The following PRKACB variants were observed in gnomAD, a reference collection of about 807,000 sequenced individuals.
PRKACB encodes the protein protein kinase cAMP-activated catalytic subunit beta, also known as cAMP-dependent protein kinase catalytic subunit beta.
PRKACB carries 16 observed loss-of-function variants against 51.4 expected under a neutral mutation model. The ratio of observed to expected loss-of-function variants is 0.31; its 90% confidence interval spans 0.21 to 0.47. The LOEUF (loss-of-function observed/expected upper bound fraction) is 0.47. Ranked by LOEUF, PRKACB falls within the 20% of genes least tolerant of loss-of-function variation. PRKACB has a pLI of 1.00. For synonymous variants in PRKACB, 147 were observed against 154.4 expected, an observed-to-expected ratio of 0.95 and a Z score of 0.35; for missense variants, 309 against 464.5, an observed-to-expected ratio of 0.67 and a Z score of 3.08.
chr1:84,226,263 G>T (rs1220632327), intron 9 of PRKACB, among the ~76,000 whole-genome samples: 3 of 112,410 alleles, frequency 2.7e-5, no homozygotes, highest in Non-Finnish European at 3.9e-5. Flanking sequence ...CCAATGGTTT[G>T]TGGGTTTTTT....
At chr1:84,208,340 A>T (rs1393606380) in intron 8 of PRKACB, among the ~76,000 whole-genome samples, 1 of 152,248 alleles carries the variant, frequency 6.6e-6, no homozygotes, top group African/African-American at 2.4e-5. Context: ...AGTTTGCTCA[A>T]TTCAGAGTGA....
intron 5 of PRKACB, among the ~76,000 whole-genome samples, chr1:84,192,426 T>C (rs1667067096): frequency 6.6e-6 from 1 of 151,960 alleles, no homozygotes; most frequent in East Asian, 1.9e-4. Flanking sequence ...GTCCTTTACA[T>C]TGGAATTTTA....
At chr1:84,164,707 G>T in intron 1 of PRKACB, 1 of 1,390,762 alleles carries the variant, frequency 7.2e-7, no homozygotes. Flanking sequence ...ATTTTGAGTT[G>T]TTCTAGTGGT....
At chr1:84,159,625 G>C (rs915038188) in intron 1 of PRKACB, among the ~76,000 whole-genome samples, 3 of 151,958 alleles carry the variant, frequency 2.0e-5, no homozygotes, top group African/African-American at 7.2e-5. Flanking sequence ...AGATTTCCCA[G>C]TACAAAGATG....
In PRKACB at chr1:84,214,022, T is replaced by C; in HGVS notation, c.907-131T>C. 5.7e-6 allele frequency: 5 copies of C among 884,464 alleles called. No individual in the cohort carries two copies. In the African/African-American group the frequency reaches 8.7e-5, roughly 15 times the overall value. 54.8% of individuals were successfully genotyped at this position (884,464 alleles called of 1,614,324 possible). The stretch of plus-strand genomic sequence containing the variant: ...GGACTGTAACATGTAGTTAAAAGTA[T>C]GTGAAGGTCATCGCTCCATATTTTT... On this transcript the variant is annotated intron_variant, in intron 8 of 9. Coordinates refer to ENST00000370685, the MANE Select transcript of PRKACB (RefSeq NM_182948.4).
intron 1 of PRKACB, among the ~76,000 whole-genome samples, chr1:84,126,753 C>T (rs941651172): frequency 1.3e-5 from 2 of 152,144 alleles, no homozygotes; most frequent in African/African-American, 4.8e-5. Flanking sequence ...ACTGGCATCA[C>T]TACTTATTCA....
At chr1:84,088,994 CT>C (rs1413956565) in intron 1 of PRKACB, among the ~76,000 whole-genome samples, 1 of 152,132 alleles carries the variant, frequency 6.6e-6, no homozygotes, top group Admixed American at 6.5e-5. Context: ...GAAATGGAAA[CT>C]TCCTTTGAGT....
intron 5 of PRKACB, among the ~76,000 whole-genome samples, chr1:84,186,120 C>T (rs867007061): frequency 1.3e-5 from 2 of 152,198 alleles, no homozygotes; most frequent in East Asian, 1.9e-4. Context: ...GTCTAAGAGT[C>T]GCAGTAGGTT....
At chr1:84,156,610 C>G (rs75752711) in intron 1 of PRKACB, among the ~76,000 whole-genome samples, 2 of 152,122 alleles carry the variant, frequency 1.3e-5, no homozygotes, top group African/African-American at 4.8e-5. Flanking sequence ...TTCTTGAAAT[C>G]TAGTCCAGGG....
intron 1 of PRKACB, among the ~76,000 whole-genome samples, chr1:84,151,207 G>T (rs1355374789): frequency 3.3e-5 from 5 of 152,086 alleles, no homozygotes; most frequent in Admixed American, 6.5e-5. Flanking sequence ...GTTTCCCAGT[G>T]CATTTAAGTT....
chr1:84,172,040 A>G (rs1387681688), intron 1 of PRKACB, among the ~76,000 whole-genome samples: 2 of 151,616 alleles, frequency 1.3e-5, no homozygotes, highest in Non-Finnish European at 3.0e-5. Context: ...ACAATCAGAC[A>G]TGATTTTTTA....
At chr1:84,127,467 A>G (rs867420624) in intron 1 of PRKACB, among the ~76,000 whole-genome samples, 2 of 152,222 alleles carry the variant, frequency 1.3e-5, no homozygotes, top group African/African-American at 2.4e-5. Flanking sequence ...TTAAAAATCT[A>G]TCTTTCCAGA....
chr1:84,096,660 T>A (rs946795081), intron 1 of PRKACB, among the ~76,000 whole-genome samples: 6 of 152,116 alleles, frequency 3.9e-5, no homozygotes, highest in African/African-American at 1.4e-4. Flanking sequence ...ACCCCATTTC[T>A]ACCAATATTT....
upstream of PRKACB, among the ~76,000 whole-genome samples, chr1:84,142,709 A>C (rs1303215498): frequency 2.6e-5 from 4 of 152,182 alleles, no homozygotes; most frequent in African/African-American, 9.7e-5. Context: ...TAAAGCTATA[A>C]ATTTAAGTTT....
intron 1 of PRKACB, among the ~76,000 whole-genome samples, chr1:84,108,894 T>G (rs538217507): frequency 6.6e-6 from 1 of 152,088 alleles, no homozygotes; most frequent in Non-Finnish European, 1.5e-5. Flanking sequence ...AATAAGTGTA[T>G]GGAACTAATT....
At chr1:84,214,038 C>T in intron 8 of PRKACB, 115 bp from the exon 9 acceptor site, 1 of 1,062,860 alleles carries the variant, frequency 9.4e-7, no homozygotes. Context: ...GGTCATCGCT[C>T]CATATTTTTG....
intron 8 of PRKACB, among the ~76,000 whole-genome samples, chr1:84,204,290 G>T (rs1317041367): frequency 6.6e-6 from 1 of 151,926 alleles, no homozygotes; most frequent in Non-Finnish European, 1.5e-5. Context: ...TATGTCAAAG[G>T]TAAAAAAATA....
At chr1:84,185,500 G>T (rs11163913) in intron 5 of PRKACB, among the ~76,000 whole-genome samples, 72,513 of 151,438 alleles carry the variant, frequency 0.48, 17,885 homozygotes, top group Non-Finnish European at 0.55. Context: ...ATTAAACAAA[G>T]ATTAATAATA....
intron 1 of PRKACB, among the ~76,000 whole-genome samples, chr1:84,170,064 T>G (rs1210538538): frequency 6.6e-6 from 1 of 151,648 alleles, no homozygotes; most frequent in African/African-American, 2.4e-5. Context: ...GAATTCTAAT[T>G]TAATTAAAAT....
Sources: allele counts gnomAD v4.1 joint callset (sites outside exome capture counted in the v4.1 genomes callset), GRCh38; gene constraint gnomAD v4.1.1; transcripts MANE v1.5; gene names NCBI Gene and HGNC (gene_info 2026-07-23, HGNC 2026-07-21).